The following UBE2E2 variants were observed in gnomAD, a reference collection of about 807,000 sequenced individuals.
The protein encoded by UBE2E2 is ubiquitin-conjugating enzyme E2 E2.
UBE2E2 carries 6 observed loss-of-function variants against 24.7 expected under a neutral mutation model. The observed-to-expected ratio is 0.24, with a 90% CI of 0.13 to 0.48. The LOEUF (loss-of-function observed/expected upper bound fraction) is 0.48, where lower values mean the gene tolerates loss of function less well. Ranked by LOEUF, UBE2E2 falls within the 20% of genes least tolerant of loss-of-function variation. UBE2E2 has a pLI of 0.99. For synonymous variants in UBE2E2, 104 were observed against 83.6 expected, an observed-to-expected ratio of 1.24 and a Z score of -1.33; for missense variants, 169 against 245.0, an observed-to-expected ratio of 0.69 and a Z score of 2.07.
chr3:23,442,646 G>T (rs1008581389), intron 3 of UBE2E2, among the ~76,000 whole-genome samples: 13 of 152,064 alleles, frequency 8.5e-5, no homozygotes, highest in African/African-American at 2.9e-4. Flanking sequence ...TTTATTTTTT[G>T]ATGTCAGAGC....
intron 3 of UBE2E2, among the ~76,000 whole-genome samples, chr3:23,232,902 T>C (rs1697009936): frequency 6.6e-6 from 1 of 152,218 alleles, no homozygotes; most frequent in African/African-American, 2.4e-5. Context: ...AGTGGTGAAC[T>C]GGAAGAAGGT....
intron 3 of UBE2E2, among the ~76,000 whole-genome samples, chr3:23,371,930 C>T (rs1696409785): frequency 6.6e-6 from 1 of 151,944 alleles, no homozygotes; most frequent in Admixed American, 6.6e-5. Flanking sequence ...CCAGCCTGCC[C>T]AACATGGTGA....
chr3:23,564,998 G>A (rs1430363217), intron 5 of UBE2E2, among the ~76,000 whole-genome samples: 1 of 152,272 alleles, frequency 6.6e-6, no homozygotes, highest in Non-Finnish European at 1.5e-5. Flanking sequence ...ACTTTACAGT[G>A]GGAGAGTGGG....
chr3:23,423,219 G>T (rs1025048858), intron 3 of UBE2E2, among the ~76,000 whole-genome samples: 1 of 152,170 alleles, frequency 6.6e-6, no homozygotes, highest in South Asian at 2.1e-4. Flanking sequence ...CGCATAAAAC[G>T]GTTTGATAGC....
intron 3 of UBE2E2, among the ~76,000 whole-genome samples, chr3:23,376,282 CTTT>C (rs1205563412): frequency 6.6e-6 from 1 of 152,084 alleles, no homozygotes; most frequent in African/African-American, 2.4e-5. Flanking sequence ...CTGTTTTAGA[CTTT>C]TTGCGTGGAT....
intron 3 of UBE2E2, among the ~76,000 whole-genome samples, chr3:23,318,650 A>T (rs1694650550): frequency 6.6e-6 from 1 of 152,204 alleles, no homozygotes; most frequent in South Asian, 2.1e-4. Context: ...AACCCCTTAT[A>T]AAAACATCAG....
intron 4 of UBE2E2, among the ~76,000 whole-genome samples, chr3:23,517,168 T>C (rs535039820): frequency 3.9e-5 from 6 of 152,278 alleles, no homozygotes; most frequent in Middle Eastern, 3.4e-3. Context: ...TTGAACTGTT[T>C]ATTTGAAGTA....
At chr3:23,282,740 A>C (rs190018947) in intron 3 of UBE2E2, among the ~76,000 whole-genome samples, 1 of 152,184 alleles carries the variant, frequency 6.6e-6, no homozygotes, top group Non-Finnish European at 1.5e-5. Flanking sequence ...AAACCGGAGA[A>C]TATGAAGTAA....
intron 5 of UBE2E2, among the ~76,000 whole-genome samples, chr3:23,574,565 G>C (rs1280789508): frequency 6.6e-6 from 1 of 152,014 alleles, no homozygotes; most frequent in Non-Finnish European, 1.5e-5. Context: ...AAAGCAGTTT[G>C]CAGGCTGATC....
At chr3:23,271,648 C>T (rs1698246305) in intron 3 of UBE2E2, among the ~76,000 whole-genome samples, 2 of 152,178 alleles carry the variant, frequency 1.3e-5, no homozygotes, top group African/African-American at 4.8e-5. Context: ...ACACAGAGTG[C>T]TGATTGGTGT....
At chr3:23,473,610 G>A (rs1037461837) in intron 3 of UBE2E2, among the ~76,000 whole-genome samples, 2 of 152,066 alleles carry the variant, frequency 1.3e-5, no homozygotes, top group African/African-American at 4.8e-5. Flanking sequence ...CTGAGTCCCC[G>A]AAGTCCACTG....
chr3:23,515,803 A>G lies in UBE2E2; in HGVS notation c.360+16063A>G, dbSNP rs1481276523. On this transcript the variant is annotated intron_variant, in intron 4 of 5. Transcript: ENST00000396703. ...GAGATCGCATCTCTACAAAAAGAAAAAAAAAAAAAAGAAAAGAAAAAACGA... is the reference window on the plus strand; with the variant it reads ...GAGATCGCATCTCTACAAAAAGAAAGAAAAAAAAAAGAAAAGAAAAAACGA... Among the ~76,000 whole-genome samples the G allele has an allele frequency of 2.0e-5, 3 of 151,464 alleles. No homozygotes were observed. The East Asian group carries it at 5.8e-4, about 29-fold the overall frequency.
intron 3 of UBE2E2, among the ~76,000 whole-genome samples, chr3:23,454,073 C>A (rs997712490): frequency 3.3e-5 from 5 of 152,112 alleles, no homozygotes; most frequent in Admixed American, 3.3e-4. Flanking sequence ...TTGTTAGAAT[C>A]ATAGACTCCT....
intron 5 of UBE2E2, among the ~76,000 whole-genome samples, chr3:23,555,500 C>A (rs1216219966): frequency 6.6e-6 from 1 of 152,130 alleles, no homozygotes; most frequent in African/African-American, 2.4e-5. Flanking sequence ...ACCCATCATT[C>A]CCTCTGCTGG....
intron 3 of UBE2E2, among the ~76,000 whole-genome samples, chr3:23,262,129 C>G (rs1697918245): frequency 6.6e-6 from 1 of 152,166 alleles, no homozygotes; most frequent in Non-Finnish European, 1.5e-5. Context: ...CTCACCAATA[C>G]TTTTCTCTTG....
intron 4 of UBE2E2, among the ~76,000 whole-genome samples, chr3:23,528,606 C>A (rs537546046): frequency 6.6e-6 from 1 of 152,302 alleles, no homozygotes; most frequent in East Asian, 1.9e-4. Context: ...TAGTTCCCGC[C>A]CCAAGGTTGT....
At chr3:23,449,925 A>C (rs1421063385) in intron 3 of UBE2E2, 1 of 985,266 alleles carries the variant, frequency 1.0e-6, no homozygotes, top group Non-Finnish European at 1.2e-6. Flanking sequence ...CCCTCCCCCT[A>C]GTGAGGAAAT....
intron 3 of UBE2E2, chr3:23,271,110 T>G (rs1047791450): frequency 1.1e-5 from 5 of 438,318 alleles, no homozygotes; most frequent in African/African-American, 8.2e-5. Flanking sequence ...GAAATGGACC[T>G]TGAGTTTCAG....
intron 3 of UBE2E2, among the ~76,000 whole-genome samples, chr3:23,332,231 G>T (rs753755155): frequency 1.3e-4 from 19 of 151,980 alleles, no homozygotes; most frequent in African/African-American, 3.1e-4. Flanking sequence ...CTGCAGCCTC[G>T]ACCTCCTGGG....
Sources: gnomAD v4.1 joint callset for allele counts (sites outside exome capture counted in the v4.1 genomes callset) on GRCh38, gnomAD v4.1.1 for gene constraint, MANE v1.5 for transcripts, NCBI Gene and HGNC (gene_info 2026-07-23, HGNC 2026-07-21) for gene names.